STXBP5L: variants seen among roughly 807,000 people sequenced by gnomAD.
The protein encoded by STXBP5L is syntaxin-binding protein 5-like.
STXBP5L carries 65 observed loss-of-function variants against 144.5 expected under a neutral mutation model. The ratio of observed to expected loss-of-function variants is 0.45; its 90% CI spans 0.37 to 0.55. The LOEUF (loss-of-function observed/expected upper bound fraction) is 0.55, where lower values mean the gene tolerates loss of function less well. Among genes scored for constraint, STXBP5L ranks in the 20% least tolerant of loss-of-function variants. The probability of loss-of-function intolerance (pLI) is 0.00; values close to 1 mark genes in which losing one functional copy is unlikely to be tolerated. For synonymous variants in STXBP5L, 505 were observed against 469.6 expected (o/e 1.08, Z -0.97); for missense variants, 1,298 against 1,405.5 (o/e 0.92, Z 1.22).
chr3:121,175,004 A>G (rs2046877959), intron 9 of STXBP5L, among the ~76,000 whole-genome samples: 1 of 152,166 alleles, frequency 6.6e-6, no homozygotes, highest in Non-Finnish European at 1.5e-5. Context: ...GGCCTGCACA[A>G]CTACTGGAAG....
chr3:120,955,896 A>C (rs1937976647), intron 3 of STXBP5L, among the ~76,000 whole-genome samples: 2 of 152,028 alleles, frequency 1.3e-5, no homozygotes, highest in African/African-American at 4.8e-5. Context: ...TACAGTTTAT[A>C]ATTTTTGGCG....
chr3:121,057,972 G>A (rs1948577258), intron 5 of STXBP5L, among the ~76,000 whole-genome samples: 1 of 149,994 alleles, frequency 6.7e-6, no homozygotes, highest in Non-Finnish European at 1.5e-5. Context: ...TGTTGTTGTT[G>A]TTTTTTAAAA....
intron 18 of STXBP5L, among the ~76,000 whole-genome samples, chr3:121,272,025 G>A (rs2050749495): frequency 6.6e-6 from 1 of 152,206 alleles, no homozygotes; most frequent in African/African-American, 2.4e-5. Context: ...ATTTCAATCA[G>A]CTAAGATTTG....
chr3:121,206,868 CAAT>C (rs1289938724), intron 10 of STXBP5L, among the ~76,000 whole-genome samples: 1 of 151,958 alleles, frequency 6.6e-6, no homozygotes, highest in Non-Finnish European at 1.5e-5. Context: ...TTTTACTTGG[CAAT>C]AATAATTAGT....
intron 19 of STXBP5L, among the ~76,000 whole-genome samples, chr3:121,299,324 G>C (rs1239778163): frequency 6.6e-6 from 1 of 152,064 alleles, no homozygotes; most frequent in Non-Finnish European, 1.5e-5. Flanking sequence ...GAAACCTTGA[G>C]GATAAAGGTT....
In STXBP5L at chr3:121,378,856, A is replaced by G. The variant is rs1245049973; in HGVS notation, c.2317A>G (p.Met773Val). The G allele has an allele frequency of 3.1e-6, 5 of 1,613,536 alleles. No homozygotes were observed. In the African/African-American group the frequency reaches 4.0e-5, roughly 13 times the overall value. Residue 773 changes from methionine to valine, a missense_variant, in exon 21 of 27, where the codon ATG (methionine) becomes GTG (valine). Physicochemically the swap from Met to Val is conservative, Grantham distance 21 (BLOSUM62 1). Coordinates refer to ENST00000471454, the MANE Select transcript of STXBP5L (RefSeq NM_001308330.2). ...TCGAAAGGCCCAGTCAGCAGCCTGCATGGAGATTTCTTTACCAGTTACAAC... is the reference window on the plus strand; with the variant it reads ...TCGAAAGGCCCAGTCAGCAGCCTGCGTGGAGATTTCTTTACCAGTTACAAC... ...PFRKAQSAAC[M>V]EISLPVTTEE...
At chr3:121,229,053 A>G (rs2049216821) in intron 11 of STXBP5L, among the ~76,000 whole-genome samples, 2 of 152,164 alleles carry the variant, frequency 1.3e-5, no homozygotes, top group South Asian at 2.1e-4. Context: ...TTTCCTTCAT[A>G]AGTTCCCATT....
At position 121,421,521 on chromosome 3, in the gene STXBP5L, T is replaced by C. The variant is rs2047352376; in HGVS notation, c.*2424T>C. 6.6e-6 allele frequency: 1 copy of C among 152,214 alleles called. No individual in the cohort carries two copies. Among genetic ancestry groups the C allele is most frequent in the African/African-American group, 2.4e-5 (1 of 41,464 alleles). The allele number at this position is 152,214 out of a possible 1,614,324, so 9.4% of individuals were successfully genotyped here. A position where few individuals can be genotyped will look rare whatever the true frequency, so the allele number is the denominator to read the frequency against. On this transcript the variant is annotated 3_prime_UTR_variant, in exon 27 of 27. Coordinates refer to ENST00000471454, the MANE Select transcript of STXBP5L (RefSeq NM_001308330.2). ...AATTTCTCCCAGTTCACAGCCACTA[T>C]TCTACATCATACAAAGAGGTAGATT...
intron 14 of STXBP5L, among the ~76,000 whole-genome samples, chr3:121,246,431 T>C (rs2049855014): frequency 6.6e-6 from 1 of 152,170 alleles, no homozygotes; most frequent in Admixed American, 6.5e-5. Context: ...AGTTCTTTGG[T>C]TGAGTGGTTT....
intron 19 of STXBP5L, among the ~76,000 whole-genome samples, chr3:121,299,644 A>G (rs2051807241): frequency 6.6e-6 from 1 of 152,152 alleles, no homozygotes; most frequent in East Asian, 1.9e-4. Context: ...AAATTTGATG[A>G]AAAACATCAA....
chr3:121,107,911 C>T (rs1446804034), intron 5 of STXBP5L, among the ~76,000 whole-genome samples: 1 of 152,078 alleles, frequency 6.6e-6, no homozygotes, highest in African/African-American at 2.4e-5. Context: ...TGTAGTTCTC[C>T]TTGAAGAGCT....
At chr3:121,393,977 A>G (rs2046660561) in intron 22 of STXBP5L, among the ~76,000 whole-genome samples, 1 of 152,138 alleles carries the variant, frequency 6.6e-6, no homozygotes, top group Non-Finnish European at 1.5e-5. Flanking sequence ...CTGTTGGCAA[A>G]TTGATAGGAA....
chr3:121,177,654 C>G (rs1335812112), intron 9 of STXBP5L, among the ~76,000 whole-genome samples: 1 of 152,114 alleles, frequency 6.6e-6, no homozygotes, highest in Non-Finnish European at 1.5e-5. Flanking sequence ...TGTGGAGCAA[C>G]TGGAACATTT....
intron 3 of STXBP5L, among the ~76,000 whole-genome samples, chr3:120,997,334 A>T (rs978837173): frequency 6.6e-6 from 1 of 152,192 alleles, no homozygotes; most frequent in Non-Finnish European, 1.5e-5. Context: ...GTTGAATGAT[A>T]GTTCTGTTTT....
chr3:121,227,902 C>T (rs568528601), intron 11 of STXBP5L, among the ~76,000 whole-genome samples: 1 of 152,128 alleles, frequency 6.6e-6, no homozygotes, highest in East Asian at 1.9e-4. Context: ...GTATTATTTA[C>T]CAAATAAACC....
intron 2 of STXBP5L, among the ~76,000 whole-genome samples, chr3:120,948,458 T>G (rs1250767371): frequency 6.6e-6 from 1 of 151,860 alleles, no homozygotes; most frequent in Non-Finnish European, 1.5e-5. Flanking sequence ...TTTGGTTACA[T>G]AGATAACTAC....
At chr3:121,252,672 A>G (rs534236354) in intron 15 of STXBP5L, among the ~76,000 whole-genome samples, 1 of 152,286 alleles carries the variant, frequency 6.6e-6, no homozygotes, top group South Asian at 2.1e-4. Context: ...TGAATAACTG[A>G]GTTTATATTA....
intron 6 of STXBP5L, among the ~76,000 whole-genome samples, chr3:121,118,334 G>C (rs1244860775): frequency 6.6e-6 from 1 of 151,720 alleles, no homozygotes; most frequent in East Asian, 1.9e-4. Context: ...CAAGGGGTGA[G>C]TTTCAGTTAG....
At chr3:121,009,229 C>T (rs1213306901) in intron 3 of STXBP5L, among the ~76,000 whole-genome samples, 1 of 151,936 alleles carries the variant, frequency 6.6e-6, no homozygotes, top group African/African-American at 2.4e-5. Context: ...GGTAGATGTA[C>T]TATGTTAGGC....
Sources: gnomAD v4.1 joint callset for allele counts (sites outside exome capture counted in the v4.1 genomes callset) on GRCh38, gnomAD v4.1.1 for gene constraint, MANE v1.5 for transcripts, NCBI Gene and HGNC (gene_info 2026-07-23, HGNC 2026-07-21) for gene names.